The following GLCE variants were observed in gnomAD, a reference collection of about 807,000 sequenced individuals.
The protein encoded by GLCE is D-glucuronyl C5-epimerase.
A neutral mutation model predicts 47.9 loss-of-function variants in GLCE; 19 were observed. The observed-to-expected ratio is 0.40, with a 90% confidence interval of 0.28 to 0.58. The LOEUF is 0.58. Among genes scored for constraint, GLCE ranks in the 20% least tolerant of loss-of-function variants. The pLI is 0.48. For missense variants in GLCE, 556 were observed against 743.3 expected (o/e 0.75, Z 2.93); for synonymous variants, 245 against 263.4 (o/e 0.93, Z 0.68).
intron 1 of GLCE, chr15:69,196,693 G>T: frequency 6.3e-6 from 1 of 159,956 alleles, no homozygotes; most frequent in South Asian, 1.7e-4. Context: ...AAGTTGCCGA[G>T]AACTCAACAT....
intron 2 of GLCE, among the ~76,000 whole-genome samples, chr15:69,222,634 C>T (rs2052393260): frequency 6.6e-6 from 1 of 152,182 alleles, no homozygotes; most frequent in Non-Finnish European, 1.5e-5. Flanking sequence ...GGTCATCTCT[C>T]TAACCTCTTT....
chr15:69,257,614 G>T (rs1346841954), intron 3 of GLCE, among the ~76,000 whole-genome samples: 1 of 152,170 alleles, frequency 6.6e-6, no homozygotes, highest in African/African-American at 2.4e-5. Context: ...CAAAGTGCTG[G>T]AATCACAAAC....
intron 1 of GLCE, among the ~76,000 whole-genome samples, chr15:69,167,386 G>A (rs1445314484): frequency 6.6e-6 from 1 of 152,242 alleles, no homozygotes; most frequent in Non-Finnish European, 1.5e-5. Context: ...TCCTGACTTT[G>A]GATCATGACA....
chr15:69,226,320 A>G (rs2052446666), intron 2 of GLCE, among the ~76,000 whole-genome samples: 1 of 152,172 alleles, frequency 6.6e-6, no homozygotes, highest in African/African-American at 2.4e-5. Flanking sequence ...GGTTAGATAG[A>G]ATTCTGAGTA....
intron 1 of GLCE, among the ~76,000 whole-genome samples, chr15:69,182,500 AG>A (rs1411661914): frequency 3.3e-5 from 5 of 152,316 alleles, no homozygotes; most frequent in African/African-American, 1.2e-4. Flanking sequence ...TGACATAGTC[AG>A]AAGGAAGACA....
At chr15:69,185,345 A>G (rs2051806660) in intron 1 of GLCE, among the ~76,000 whole-genome samples, 2 of 152,136 alleles carry the variant, frequency 1.3e-5, no homozygotes, top group Non-Finnish European at 1.5e-5. Flanking sequence ...ACCTCTTTCA[A>G]CCTCCAGTAA....
chr15:69,222,056 T>A (rs114801560), intron 2 of GLCE, among the ~76,000 whole-genome samples: 74 of 152,328 alleles, frequency 4.9e-4, no homozygotes, highest in African/African-American at 1.7e-3. Context: ...TGTGGTTGAA[T>A]GCCTTTGTTT....
intron 2 of GLCE, 50 bp downstream of exon 2, chr15:69,210,456 T>G (rs183109307): frequency 3.3e-4 from 50 of 152,254 alleles, no homozygotes; most frequent in African/African-American, 1.2e-3. Context: ...ACGTTTTCAG[T>G]GATGTGCTAG....
chr15:69,220,106 C>T (rs1466151606), intron 2 of GLCE, among the ~76,000 whole-genome samples: 2 of 151,970 alleles, frequency 1.3e-5, no homozygotes, highest in African/African-American at 2.4e-5. Flanking sequence ...CCACATTTTA[C>T]GTATTCATTC....
intron 1 of GLCE, among the ~76,000 whole-genome samples, chr15:69,164,465 ATAAT>A (rs1310229358): frequency 6.6e-6 from 1 of 150,850 alleles, no homozygotes; most frequent in East Asian, 1.9e-4. Flanking sequence ...CATTTTATAT[ATAAT>A]ATATACTTTT....
chr15:69,202,571 G>A (rs2052091178), intron 1 of GLCE, among the ~76,000 whole-genome samples: 1 of 152,086 alleles, frequency 6.6e-6, no homozygotes, highest in Admixed American at 6.6e-5. Context: ...TTTTCTTAGT[G>A]ATAGTCCTGG....
intron 2 of GLCE, among the ~76,000 whole-genome samples, chr15:69,255,328 A>G (rs1307112407): frequency 1.3e-5 from 2 of 152,192 alleles, no homozygotes; most frequent in African/African-American, 2.4e-5. Flanking sequence ...TTAAGCATCA[A>G]CGTGATGCTC....
At chr15:69,210,856 C>T (rs1385285443) in intron 2 of GLCE, among the ~76,000 whole-genome samples, 1 of 152,114 alleles carries the variant, frequency 6.6e-6, no homozygotes, top group African/African-American at 2.4e-5. Flanking sequence ...CTTAGCACTA[C>T]ATTGGCAGAG....
intron 2 of GLCE, among the ~76,000 whole-genome samples, chr15:69,253,223 A>G (rs949054871): frequency 4.6e-5 from 7 of 152,232 alleles, no homozygotes; most frequent in African/African-American, 1.7e-4. Context: ...TTTACAGAGC[A>G]TGAGAAAGAC....
At chr15:69,265,620 C>T (rs1461608186) in intron 4 of GLCE, among the ~76,000 whole-genome samples, 1 of 152,124 alleles carries the variant, frequency 6.6e-6, no homozygotes, top group Admixed American at 6.5e-5. Flanking sequence ...CCCTTGACAT[C>T]GTTCATTACT....
chr15:69,215,907 T>C (rs2052300813), intron 2 of GLCE, among the ~76,000 whole-genome samples: 1 of 152,176 alleles, frequency 6.6e-6, no homozygotes, highest in African/African-American at 2.4e-5. Flanking sequence ...TATTTCTCTG[T>C]ATTTTCTTCT....
At chr15:69,199,396 G>C (rs1274296909) in intron 1 of GLCE, among the ~76,000 whole-genome samples, 4 of 152,032 alleles carry the variant, frequency 2.6e-5, no homozygotes, top group African/African-American at 9.7e-5. Context: ...ATAAAAATCT[G>C]TGCAATTGAA....
At chr15:69,182,707 G>A (rs2051767869) in intron 1 of GLCE, among the ~76,000 whole-genome samples, 1 of 152,082 alleles carries the variant, frequency 6.6e-6, no homozygotes, top group African/African-American at 2.4e-5. Context: ...GTATCAGAGT[G>A]TGATACTTAA....
At chr15:69,243,524 A>G (rs1025878870) in intron 2 of GLCE, among the ~76,000 whole-genome samples, 6 of 151,280 alleles carry the variant, frequency 4.0e-5, no homozygotes, top group African/African-American at 1.5e-4. Context: ...ACTTGAGCCC[A>G]GGAGTTCAAG....
Sources: allele counts gnomAD v4.1 joint callset (sites outside exome capture counted in the v4.1 genomes callset), GRCh38; gene constraint gnomAD v4.1.1; transcripts MANE v1.5; gene names NCBI Gene and HGNC (gene_info 2026-07-23, HGNC 2026-07-21).